DPP10: variants seen among roughly 807,000 people sequenced by gnomAD.
The protein encoded by DPP10 is inactive dipeptidyl peptidase 10.
In DPP10, 33 loss-of-function variants were observed where a neutral mutation model predicts 120.9. The ratio of observed to expected loss-of-function variants is 0.27; its 90% confidence interval spans 0.21 to 0.37. The LOEUF is 0.37. DPP10 is among the 10% of genes least tolerant of loss of function. The pLI, the probability that DPP10 is intolerant of heterozygous loss-of-function variation, is 1.00. For missense variants in DPP10, 816 were observed against 942.8 expected (o/e 0.87, Z 1.76); for synonymous variants, 337 against 326.1 (o/e 1.03, Z -0.36).
chr2:114,560,209 C>T (rs150245680), intron 1 of DPP10, among the ~76,000 whole-genome samples: 147 of 152,210 alleles, frequency 9.7e-4, no homozygotes, highest in African/African-American at 3.4e-3. Context: ...ATGGACTGCC[C>T]TGTGGGAGTT....
chr2:115,768,945 G>GT (rs923130997), intron 13 of DPP10, among the ~76,000 whole-genome samples: 56 of 147,120 alleles, frequency 3.8e-4, no homozygotes, highest in African/African-American at 8.7e-4. Context: ...TATAATCTAT[G>GT]TTTTTTTTTT....
At chr2:115,013,658 CAAA>C (rs59313783) in intron 1 of DPP10, among the ~76,000 whole-genome samples, 9 of 58,426 alleles carry the variant, frequency 1.5e-4, no homozygotes, top group African/African-American at 4.5e-4. Flanking sequence ...AAATGGAAAG[CAAA>C]AAAAAAAAAA....
At chr2:115,067,783 T>A (rs1263423496) in intron 1 of DPP10, among the ~76,000 whole-genome samples, 2 of 137,770 alleles carry the variant, frequency 1.5e-5, no homozygotes, top group Non-Finnish European at 3.1e-5. Context: ...GAATGGCTGA[T>A]CCCGGGAGGC....
intron 1 of DPP10, among the ~76,000 whole-genome samples, chr2:114,651,556 G>A (rs1696583836): frequency 6.6e-6 from 1 of 152,088 alleles, no homozygotes; most frequent in South Asian, 2.1e-4. Flanking sequence ...TAGGCTGCCA[G>A]TGCTAAAATC....
At chr2:115,836,391 G>C in intron 22 of DPP10, 116 bp from the exon 23 acceptor site, 2 of 1,417,464 alleles carry the variant, frequency 1.4e-6, no homozygotes, top group Non-Finnish European at 1.9e-6. Context: ...TCTCCTCCTT[G>C]ATTCAGCTGA....
At chr2:115,274,245 A>G (rs1008237296) in intron 1 of DPP10, among the ~76,000 whole-genome samples, 3 of 152,200 alleles carry the variant, frequency 2.0e-5, no homozygotes, top group Admixed American at 2.0e-4. Flanking sequence ...TGTTTTATCT[A>G]TCCATTTTAT....
intron 1 of DPP10, among the ~76,000 whole-genome samples, chr2:115,266,315 A>G (rs2059459831): frequency 6.6e-6 from 1 of 152,324 alleles, no homozygotes; most frequent in Non-Finnish European, 1.5e-5. Context: ...AGCTAGAATG[A>G]TGTAAAAAAT....
At chr2:115,346,093 T>G (rs2106273059) in intron 3 of DPP10, among the ~76,000 whole-genome samples, 1 of 152,308 alleles carries the variant, frequency 6.6e-6, no homozygotes, top group Non-Finnish European at 1.5e-5. Context: ...ACTGAGTTAC[T>G]TTTTAAGTAT....
chr2:115,045,709 T>G (rs761534545), intron 1 of DPP10, among the ~76,000 whole-genome samples: 3 of 151,700 alleles, frequency 2.0e-5, no homozygotes, highest in Non-Finnish European at 4.4e-5. Flanking sequence ...TCTTCCATGC[T>G]TCTTTTCTTG....
chr2:115,350,856 T>C (rs1421757015), intron 3 of DPP10, among the ~76,000 whole-genome samples: 1 of 152,096 alleles, frequency 6.6e-6, no homozygotes, highest in Non-Finnish European at 1.5e-5. Context: ...AGGGTTTTTT[T>C]AAAAAGTCAA....
chr2:114,530,961 A>G (rs1402444067), intron 1 of DPP10, among the ~76,000 whole-genome samples: 8 of 152,110 alleles, frequency 5.3e-5, no homozygotes. Flanking sequence ...ATGTCAATTA[A>G]CAGAAAAAAA....
At chr2:115,259,640 AG>A (rs2059160893) in intron 1 of DPP10, among the ~76,000 whole-genome samples, 1 of 152,182 alleles carries the variant, frequency 6.6e-6, no homozygotes, top group African/African-American at 2.4e-5. Context: ...ACTTAGTTGC[AG>A]GGAAGTATAG....
chr2:115,761,225 T>C (rs1680079829), intron 11 of DPP10, among the ~76,000 whole-genome samples: 1 of 151,676 alleles, frequency 6.6e-6, no homozygotes, highest in Non-Finnish European at 1.5e-5. Flanking sequence ...GGCAACATAA[T>C]GAGACACCAT....
intron 1 of DPP10, among the ~76,000 whole-genome samples, chr2:115,190,384 C>T (rs1203273323): frequency 6.6e-6 from 1 of 151,884 alleles, no homozygotes; most frequent in African/African-American, 2.4e-5. Flanking sequence ...GGGTGAAAGG[C>T]ATGACCAGTT....
intron 1 of DPP10, among the ~76,000 whole-genome samples, chr2:114,586,982 T>C (rs1691035353): frequency 6.6e-6 from 1 of 152,096 alleles, no homozygotes; most frequent in South Asian, 2.1e-4. Context: ...AAACCATAAG[T>C]CAAACCTCTT....
chr2:115,467,406 A>G (rs982779218), intron 3 of DPP10, among the ~76,000 whole-genome samples: 2 of 151,898 alleles, frequency 1.3e-5, no homozygotes, highest in African/African-American at 4.8e-5. Context: ...GTGAAACCCC[A>G]TCTCTACTAA....
chr2:115,374,234 G>A (rs564419065), intron 3 of DPP10, among the ~76,000 whole-genome samples: 1 of 152,062 alleles, frequency 6.6e-6, no homozygotes, highest in Non-Finnish European at 1.5e-5. Flanking sequence ...TTCCACCTAG[G>A]AGTTACTTCT....
intron 10 of DPP10, among the ~76,000 whole-genome samples, chr2:115,748,835 T>G (rs913767728): frequency 6.6e-6 from 1 of 152,178 alleles, no homozygotes; most frequent in Non-Finnish European, 1.5e-5. Flanking sequence ...ACATAATTTC[T>G]TCTCCTAATT....
At chr2:115,768,175 G>T in intron 12 of DPP10, 122 bp from the exon 13 acceptor site, 1 of 751,988 alleles carries the variant, frequency 1.3e-6, no homozygotes, top group Non-Finnish European at 2.0e-6. Flanking sequence ...AAAATAATGT[G>T]CCCATTTTCC....
Sources: allele counts gnomAD v4.1 joint callset (sites outside exome capture counted in the v4.1 genomes callset), GRCh38; gene constraint gnomAD v4.1.1; transcripts MANE v1.5; gene names NCBI Gene and HGNC (gene_info 2026-07-23, HGNC 2026-07-21).